The following ST6GALNAC5 variants were observed in gnomAD, a reference collection of about 807,000 sequenced individuals.
ST6GALNAC5 encodes alpha-N-acetylgalactosaminide alpha-2,6-sialyltransferase 5.
ST6GALNAC5 carries 27 observed loss-of-function variants against 33.6 expected under a neutral mutation model. The observed-to-expected ratio is 0.80, with a 90% CI of 0.59 to 1.11. The LOEUF (loss-of-function observed/expected upper bound fraction) is 1.11. ST6GALNAC5 is among the 50% of genes least tolerant of loss of function. ST6GALNAC5 has a pLI of 0.00. For missense variants in ST6GALNAC5, 428 were observed against 454.0 expected (o/e 0.94, Z 0.52); for synonymous variants, 194 against 171.2 (o/e 1.13, Z -1.04).
intron 2 of ST6GALNAC5, among the ~76,000 whole-genome samples, chr1:77,027,210 A>G (rs1651277405): frequency 6.6e-6 from 1 of 152,242 alleles, no homozygotes; most frequent in Non-Finnish European, 1.5e-5. Context: ...CACTTACAAC[A>G]AAAACACATG....
At chr1:76,902,974 C>A (rs1646832496) in intron 2 of ST6GALNAC5, among the ~76,000 whole-genome samples, 2 of 152,176 alleles carry the variant, frequency 1.3e-5, no homozygotes, top group South Asian at 4.1e-4. Flanking sequence ...TCTGCAGGAC[C>A]TCAGATTTGC....
chr1:76,904,855 GACAA>G (rs1364901532), intron 2 of ST6GALNAC5, among the ~76,000 whole-genome samples: 1 of 151,978 alleles, frequency 6.6e-6, no homozygotes. Flanking sequence ...TTAACAGACA[GACAA>G]ACAATATGAT....
chr1:77,034,727 A>C (rs1288035097), intron 2 of ST6GALNAC5, among the ~76,000 whole-genome samples: 1 of 152,200 alleles, frequency 6.6e-6, no homozygotes, highest in African/African-American at 2.4e-5. Flanking sequence ...GGCAGCCTGC[A>C]GAGTGAGGGC....
intron 2 of ST6GALNAC5, among the ~76,000 whole-genome samples, chr1:76,922,386 G>A (rs935605166): frequency 6.6e-6 from 1 of 152,166 alleles, no homozygotes; most frequent in South Asian, 2.1e-4. Context: ...GAGACATACT[G>A]TATTCATGTA....
intron 2 of ST6GALNAC5, among the ~76,000 whole-genome samples, chr1:76,939,392 C>A (rs1448581785): frequency 6.6e-6 from 1 of 152,066 alleles, no homozygotes; most frequent in Non-Finnish European, 1.5e-5. Flanking sequence ...AGCCAGAAAG[C>A]TTTTCCAGAG....
At chr1:77,002,651 C>G (rs1323032125) in intron 2 of ST6GALNAC5, among the ~76,000 whole-genome samples, 10 of 150,976 alleles carry the variant, frequency 6.6e-5, no homozygotes. Context: ...TCCCTCTACA[C>G]ACTGCTTTGA....
In ST6GALNAC5 at chr1:77,043,803, A is replaced by G. The variant is rs527920920; in HGVS notation, c.262-401A>G. On this transcript the variant is annotated intron_variant, in intron 2 of 4. Transcript: ENST00000477717. Reference sequence around the variant, plus strand: ...GGACTCAAAAATACCTAGTTTTGAAAGCCGGAAGCACAACTTTATTACTGG... The same window carrying G: ...GGACTCAAAAATACCTAGTTTTGAAGGCCGGAAGCACAACTTTATTACTGG... Among the ~76,000 whole-genome samples the G allele has an allele frequency of 2.0e-5, 3 of 152,326 alleles. No individual in the cohort carries two copies. In the South Asian group the frequency reaches 6.2e-4, roughly 32 times the overall value.
At chr1:77,032,865 C>T (rs941948476) in intron 2 of ST6GALNAC5, among the ~76,000 whole-genome samples, 1 of 152,162 alleles carries the variant, frequency 6.6e-6, no homozygotes, top group Non-Finnish European at 1.5e-5. Context: ...CATTAATTCT[C>T]AGTTATCTTC....
chr1:77,037,413 GA>G (rs1414482776), intron 2 of ST6GALNAC5, among the ~76,000 whole-genome samples: 1 of 152,096 alleles, frequency 6.6e-6, no homozygotes, highest in African/African-American at 2.4e-5. Context: ...GGGAAGGAGT[GA>G]TGGGGCAAGA....
At chr1:76,914,456 G>A (rs2100286596) in intron 2 of ST6GALNAC5, among the ~76,000 whole-genome samples, 1 of 152,308 alleles carries the variant, frequency 6.6e-6, no homozygotes, top group East Asian at 1.9e-4. Context: ...CAAGGCTACA[G>A]TAACCAAAAC....
chr1:77,044,656 A>G (rs375863594), intron 3 of ST6GALNAC5, 43 bp downstream of exon 3: 4 of 1,511,946 alleles, frequency 2.6e-6, no homozygotes, highest in Non-Finnish European at 3.5e-6. Context: ...GGGTGAGGAT[A>G]AGTCATCACT....
Position 76,974,677 on chromosome 1 carries a change from G to A in ST6GALNAC5, c.262-69527G>A, listed in dbSNP as rs540273065. On this transcript the variant is annotated intron_variant, in intron 2 of 4. Coordinates refer to ENST00000477717, the MANE Select transcript of ST6GALNAC5 (RefSeq NM_030965.3). ...TTAGTTTATAACCTGATACATTTCT[G>A]CATTTTCATACTGCTTGCAGTATGA... 2.1e-5 allele frequency among the ~76,000 whole-genome samples: 3 copies of A among 143,888 alleles called. No individual in the cohort carries two copies. The South Asian group carries it at 6.8e-4, about 32-fold the overall frequency. 94.4% of individuals were successfully genotyped at this position (143,888 alleles called of 152,430 possible). A position where few individuals can be genotyped will look rare whatever the true frequency, so the allele number is the denominator to read the frequency against.
intron 3 of ST6GALNAC5, among the ~76,000 whole-genome samples, chr1:77,049,020 G>A (rs1035489684): frequency 1.3e-5 from 2 of 152,126 alleles, no homozygotes; most frequent in African/African-American, 2.4e-5. Context: ...TGGAATAGGG[G>A]AATGAATGAG....
chr1:76,885,633 A>G (rs980992698), intron 2 of ST6GALNAC5, among the ~76,000 whole-genome samples: 2 of 152,236 alleles, frequency 1.3e-5, no homozygotes, highest in Non-Finnish European at 1.5e-5. Context: ...ATCTATTTCA[A>G]TTAGAGTTGG....
intron 2 of ST6GALNAC5, among the ~76,000 whole-genome samples, chr1:76,987,924 A>C (rs754333820): frequency 1.3e-5 from 2 of 152,022 alleles, no homozygotes; most frequent in Non-Finnish European, 2.9e-5. Context: ...GATCTCTAGT[A>C]AAGCCAAGGA....
chr1:77,048,628 G>T (rs538815621), intron 3 of ST6GALNAC5, among the ~76,000 whole-genome samples: 1 of 152,238 alleles, frequency 6.6e-6, no homozygotes, highest in South Asian at 2.1e-4. Flanking sequence ...ACTACTGATG[G>T]CAGTCCCTAC....
intron 2 of ST6GALNAC5, among the ~76,000 whole-genome samples, chr1:76,987,218 A>C (rs778458738): frequency 2.0e-5 from 3 of 152,038 alleles, no homozygotes; most frequent in Non-Finnish European, 4.4e-5. Flanking sequence ...AAAATTTTTA[A>C]AAAGTAGCTA....
rs191094168 is a variant in ST6GALNAC5, at chr1:76,879,773, T to C, written c.261+11031T>C. Among the ~76,000 whole-genome samples the C allele has an allele frequency of 1.3e-3, 191 of 152,214 alleles. 2 individuals carry two copies. The highest frequency in any genetic ancestry group is 4.6e-3 in the African/African-American group (190 of 41,540). ...CTGGGGATGGGGAAGCTGTTCCTTC[T>C]GGCAAAAAAGGTCCATCAGAGTTTA... is the stretch of plus-strand genomic sequence containing the variant. On this transcript the variant is annotated intron_variant, in intron 2 of 4. Transcript: ENST00000477717.
chr1:77,027,364 G>C (rs964329004), intron 2 of ST6GALNAC5, among the ~76,000 whole-genome samples: 2 of 152,198 alleles, frequency 1.3e-5, no homozygotes, highest in African/African-American at 4.8e-5. Context: ...GGAAGTGCGA[G>C]CTTAAGAGGG....
Sources: gnomAD v4.1 joint callset for allele counts (sites outside exome capture counted in the v4.1 genomes callset) on GRCh38, gnomAD v4.1.1 for gene constraint, MANE v1.5 for transcripts, NCBI Gene and HGNC (gene_info 2026-07-23, HGNC 2026-07-21) for gene names.